The following MPPED1 variants were observed in gnomAD, a reference collection of about 807,000 sequenced individuals.
MPPED1 encodes the protein metallophosphoesterase domain containing 1.
Under a neutral mutation model 36.2 loss-of-function variants are expected in MPPED1, and 16 were observed. That is an observed-to-expected ratio of 0.44 (90% confidence interval 0.30 to 0.67). The LOEUF is 0.67. MPPED1 is among the 30% of genes least tolerant of loss of function. The pLI, the probability that MPPED1 is intolerant of heterozygous loss-of-function variation, is 0.10. For synonymous variants in MPPED1, 199 were observed against 191.3 expected, an observed-to-expected ratio of 1.04 and a Z score of -0.33; for missense variants, 307 against 453.4, an observed-to-expected ratio of 0.68 and a Z score of 2.93.
intron 2 of MPPED1, among the ~76,000 whole-genome samples, chr22:43,430,662 A>C (rs1929643335): frequency 1.3e-5 from 2 of 152,208 alleles, no homozygotes; most frequent in Non-Finnish European, 2.9e-5. Flanking sequence ...GGCTCCAAGA[A>C]ATAAGAAGCC....
At chr22:43,488,614 C>T (rs766897202) in intron 4 of MPPED1, among the ~76,000 whole-genome samples, 46 of 152,230 alleles carry the variant, frequency 3.0e-4, no homozygotes, top group Admixed American at 2.3e-3. Flanking sequence ...TTGTATTCAG[C>T]GCTCTGTTAA....
At chr22:43,462,845 G>A (rs1017329477) in intron 3 of MPPED1, among the ~76,000 whole-genome samples, 3 of 152,002 alleles carry the variant, frequency 2.0e-5, no homozygotes, top group Non-Finnish European at 2.9e-5. Flanking sequence ...CTTCTGTCTT[G>A]TAACCCCTGG....
rs2146870895 is a variant in MPPED1 at position 43,463,810 on chromosome 22, T to TCTTTCTTTCTTTTTTTTTTTCTTC, written c.407-10914_407-10913insTTTTTTTTCTTCCTTTCTTTCTTT. Among the ~76,000 whole-genome samples, 3 of 20,466 alleles carry TCTTTCTTTCTTTTTTTTTTTCTTC rather than the reference T, an allele frequency of 1.5e-4. No homozygotes were observed. In the South Asian group the frequency reaches 4.5e-3, roughly 31 times the overall value. 13.4% of individuals were successfully genotyped at this position (20,466 alleles called of 152,430 possible). ...GTGGTTGATTTTTCATTTTTTCTTTTCTTTCTTTCTTTCTTTCTTTCTTTC... is the reference window on the plus strand; with the variant it reads ...GTGGTTGATTTTTCATTTTTTCTTTTCTTTCTTTCTTTTTTTTTTTCTTCCTTTCTTTCTTTCTTTCTTTCTTTC... On this transcript the variant is annotated intron_variant, in intron 3 of 6. Transcript: ENST00000443721.
intron 4 of MPPED1, among the ~76,000 whole-genome samples, chr22:43,496,303 GGT>G (rs1932352478): frequency 2.0e-5 from 1 of 50,706 alleles, no homozygotes; most frequent in Non-Finnish European, 3.3e-5. Context: ...TGGTGGTGGA[GGT>G]AGTGGTGGCG....
rs541816553 is a variant in MPPED1, at chr22:43,446,675, C to T, written c.406+11460C>T. ...TTCATGCAGGAGGTGGCAAGTGAGG[C>T]GGCCTGGGCATTTGGGCAGTGCTTG... On this transcript the variant is annotated intron_variant, in intron 3 of 6. Transcript: ENST00000443721. 9.9e-5 allele frequency among the ~76,000 whole-genome samples: 15 copies of T among 152,220 alleles called. No homozygotes were observed. In the South Asian group the frequency reaches 1.0e-3, roughly 11 times the overall value.
At position 43,446,796 on chromosome 22, in the gene MPPED1, A is replaced by T. The variant is rs571363233; in HGVS notation, c.406+11581A>T. On this transcript the variant is annotated intron_variant, in intron 3 of 6. Transcript: ENST00000443721. ...TGCTACTTGCCTTTGGTTTGCAATCATTCATTCACTCAACAAACATTTGTG... is the reference window on the plus strand; with the variant it reads ...TGCTACTTGCCTTTGGTTTGCAATCTTTCATTCACTCAACAAACATTTGTG... 1.3e-3 allele frequency among the ~76,000 whole-genome samples: 204 copies of T among 152,204 alleles called. 1 individual carries two copies. Among genetic ancestry groups the T allele is most frequent in the Middle Eastern group, 6.8e-3 (2 of 294 alleles).
chr22:43,468,206 G>T (rs761177538), intron 3 of MPPED1, among the ~76,000 whole-genome samples: 6 of 152,232 alleles, frequency 3.9e-5, no homozygotes, highest in Non-Finnish European at 8.8e-5. Context: ...GATGTTGAAT[G>T]ATCTGGCTGG....
At chr22:43,440,244 G>A (rs139071093) in intron 3 of MPPED1, among the ~76,000 whole-genome samples, 1 of 152,370 alleles carries the variant, frequency 6.6e-6, no homozygotes, top group African/African-American at 2.4e-5. Context: ...CTGTGACACA[G>A]ACCAGTGTGA....
intron 4 of MPPED1, among the ~76,000 whole-genome samples, chr22:43,485,406 A>G (rs1330855653): frequency 6.6e-6 from 1 of 152,024 alleles, no homozygotes; most frequent in Non-Finnish European, 1.5e-5. Flanking sequence ...ACATATGTAC[A>G]TTCACACATA....
At chr22:43,442,359 G>A (rs914101722) in intron 3 of MPPED1, among the ~76,000 whole-genome samples, 20 of 151,666 alleles carry the variant, frequency 1.3e-4, no homozygotes, top group Non-Finnish European at 2.7e-4. Context: ...CTTCCTGCCT[G>A]GGTGCACCTC....
At chr22:43,412,569 G>A (rs113524481) in intron 1 of MPPED1, among the ~76,000 whole-genome samples, 1 of 152,126 alleles carries the variant, frequency 6.6e-6, no homozygotes, top group Non-Finnish European at 1.5e-5. Context: ...CTGGCACTTG[G>A]GGGGGAAGAG....
At chr22:43,456,014 C>T (rs1193837721) in intron 3 of MPPED1, among the ~76,000 whole-genome samples, 1 of 152,204 alleles carries the variant, frequency 6.6e-6, no homozygotes, top group Non-Finnish European at 1.5e-5. Flanking sequence ...TTCCTTGCCT[C>T]TTGTAGCTTG....
intron 1 of MPPED1, chr22:43,418,131 T>C: frequency 2.2e-6 from 1 of 456,348 alleles, no homozygotes; most frequent in Non-Finnish European, 4.4e-6. Flanking sequence ...GTTCTGGGGA[T>C]GGCTGCCTTA....
chr22:43,447,883 A>ATATATATATATATATATAT (rs1321289636), intron 3 of MPPED1, among the ~76,000 whole-genome samples: 15 of 67,702 alleles, frequency 2.2e-4, no homozygotes, highest in African/African-American at 3.3e-4. Context: ...ATATATATAT[A>ATATATATATATATATATAT]TTTTTTTTTT....
intron 4 of MPPED1, among the ~76,000 whole-genome samples, chr22:43,487,289 C>T (rs371593971): frequency 2.6e-5 from 4 of 152,072 alleles, no homozygotes; most frequent in Non-Finnish European, 4.4e-5. Flanking sequence ...GGAGAGGCTA[C>T]GAAGGGCATT....
intron 3 of MPPED1, among the ~76,000 whole-genome samples, chr22:43,446,410 G>C (rs1201801988): frequency 6.6e-6 from 1 of 152,162 alleles, no homozygotes; most frequent in Non-Finnish European, 1.5e-5. Context: ...GGGTGTTCAG[G>C]CTGAGGGGAC....
chr22:43,499,094 G>A (rs550679756), intron 5 of MPPED1, among the ~76,000 whole-genome samples: 3 of 151,716 alleles, frequency 2.0e-5, no homozygotes, highest in Admixed American at 2.0e-4. Context: ...GGAGGTGGTG[G>A]TGGTGGAGGT....
At chr22:43,420,946 G>A (rs1265188106) in intron 1 of MPPED1, among the ~76,000 whole-genome samples, 1 of 152,218 alleles carries the variant, frequency 6.6e-6, no homozygotes, top group Non-Finnish European at 1.5e-5. Flanking sequence ...AATAAGTCAT[G>A]CGTTCATTCA....
At chr22:43,466,770 C>T (rs757056991) in intron 3 of MPPED1, among the ~76,000 whole-genome samples, 1 of 152,178 alleles carries the variant, frequency 6.6e-6, no homozygotes, top group Non-Finnish European at 1.5e-5. Context: ...CAGAATTATT[C>T]GAACTAGACA....
Sources: allele counts gnomAD v4.1 joint callset (sites outside exome capture counted in the v4.1 genomes callset), GRCh38; gene constraint gnomAD v4.1.1; transcripts MANE v1.5; gene names NCBI Gene and HGNC (gene_info 2026-07-23, HGNC 2026-07-21).